The following GPC3 variants were observed in gnomAD, a reference collection of about 807,000 sequenced individuals.
The protein encoded by GPC3 is glypican-3.
In GPC3, 3 loss-of-function variants were observed where a neutral mutation model predicts 34.4. The ratio of observed to expected loss-of-function variants is 0.09; its 90% CI spans 0.04 to 0.23. The LOEUF (loss-of-function observed/expected upper bound fraction) is 0.23. Ranked by LOEUF, GPC3 falls within the 10% of genes least tolerant of loss-of-function variation. The pLI is 1.00. For missense variants in GPC3, 351 were observed against 445.6 expected, an observed-to-expected ratio of 0.79 and a Z score of 1.91; for synonymous variants, 177 against 174.0, an observed-to-expected ratio of 1.02 and a Z score of -0.13.
At position 133,723,277 on chromosome X, in the gene GPC3, C is replaced by A. The variant is rs772570576; in HGVS notation, c.1033-23249G>T. Reference sequence around the variant, plus strand: ...TGTGTGACTAGTTAGGGCAATTCTCCCTTCTACAGGTAGGGAACTGAGGCC... The same window carrying A: ...TGTGTGACTAGTTAGGGCAATTCTCACTTCTACAGGTAGGGAACTGAGGCC... On this transcript the variant is annotated intron_variant, in intron 3 of 7. Coordinates refer to ENST00000370818, the MANE Select transcript of GPC3 (RefSeq NM_004484.4). 5.4e-5 allele frequency among the ~76,000 whole-genome samples: 6 copies of A among 111,728 alleles called. No homozygotes were observed. The East Asian group carries it at 1.7e-3, about 32-fold the overall frequency.
intron 7 of GPC3, among the ~76,000 whole-genome samples, chrX:133,592,113 C>T (rs2069854973): frequency 9.0e-6 from 1 of 111,123 alleles, no homozygotes; most frequent in African/African-American, 3.3e-5. Flanking sequence ...GCCACTCCAC[C>T]TCCTCCTGCA....
chrX:133,899,624 C>T (rs73568927), intron 2 of GPC3, among the ~76,000 whole-genome samples: 5,362 of 110,745 alleles, frequency 0.048, 312 homozygotes, highest in African/African-American at 0.17. Context: ...CTCTGCCTCC[C>T]ACACTCCACC....
intron 3 of GPC3, among the ~76,000 whole-genome samples, chrX:133,706,036 A>T (rs1463616929): frequency 2.7e-5 from 3 of 111,735 alleles, no homozygotes; most frequent in Non-Finnish European, 5.6e-5. Context: ...TTGGCTACAA[A>T]ATCTTCGGTA....
chrX:133,555,839 T>TA lies in GPC3; in HGVS notation c.1574-19547dup, dbSNP rs767111500. ...CGAGACTCCATCTCAAAAAAAAAAA[T>TA]AAAAAAAAAAAGCCACTGAAATGAT... is the stretch of plus-strand genomic sequence containing the variant. On this transcript the variant is annotated intron_variant, in intron 7 of 7. Coordinates refer to ENST00000370818, the MANE Select transcript of GPC3 (RefSeq NM_004484.4). Among the ~76,000 whole-genome samples the TA allele has an allele frequency of 7.1e-3, 688 of 96,399 alleles. 2 individuals carry two copies. The highest frequency in any genetic ancestry group is 0.01 in the Non-Finnish European group (490 of 47,232). 83.7% of individuals were successfully genotyped at this position (96,399 alleles called of 115,157 possible).
intron 2 of GPC3, among the ~76,000 whole-genome samples, chrX:133,804,314 G>A (rs1382837402): frequency 1.2e-4 from 13 of 110,908 alleles, no homozygotes; most frequent in Admixed American, 1.1e-3. Context: ...AGGAAGAGGC[G>A]GGGATCGAGC....
chrX:133,953,199 T>G lies in GPC3; in HGVS notation c.188A>C (p.Gln63Pro). ...PETPVPGSDL[Q>P]VCLPKGPTCC... ...TGTTGGGCCCTTAGGGAGACATACT[T>G]GCAAATCTGATCCTGAAACAAACAA... is the stretch of plus-strand genomic sequence containing the variant. The change falls in exon 2 of 8, where the codon CAA (glutamine) becomes CCA (proline). Residue 63 changes from glutamine (Q) to proline (P), a missense_variant. By Grantham distance (76) the Gln-to-Pro change is moderately conservative. Transcript: ENST00000370818. The G allele has an allele frequency of 2.5e-6, 3 of 1,209,341 alleles. No homozygotes were observed. The highest frequency in any genetic ancestry group is 3.4e-6 in the Non-Finnish European group (3 of 893,847).
chrX:133,891,644 T>A (rs929669773), intron 2 of GPC3, among the ~76,000 whole-genome samples: 4 of 107,149 alleles, frequency 3.7e-5, no homozygotes, highest in Non-Finnish European at 7.7e-5. Context: ...AAATAATTAT[T>A]ATAATAATAA....
intron 3 of GPC3, among the ~76,000 whole-genome samples, chrX:133,744,681 T>G (rs920387394): frequency 5.3e-5 from 6 of 112,420 alleles, no homozygotes; most frequent in African/African-American, 1.9e-4. Flanking sequence ...CAAAGAATTA[T>G]AAATCATTAT....
At chrX:133,951,047 AGTGTGTGTGTGTGTGTGTGTGTGTGTGT>A (rs373690687) in intron 2 of GPC3, among the ~76,000 whole-genome samples, 3 of 76,699 alleles carry the variant, frequency 3.9e-5, no homozygotes, top group African/African-American at 1.4e-4. Flanking sequence ...AATTCAAGAA[AGTGTGTGTGTGTGTGTGTGTGTGTGTGT>A]GTGTGTGTGT....
At chrX:133,630,584 C>T (rs1344849517) in intron 6 of GPC3, among the ~76,000 whole-genome samples, 3 of 111,351 alleles carry the variant, frequency 2.7e-5, no homozygotes, top group Non-Finnish European at 3.8e-5. Context: ...ATTGTTGCCT[C>T]CTAAGAGTAG....
intron 1 of GPC3, among the ~76,000 whole-genome samples, chrX:133,971,595 C>T (rs748990175): frequency 4.2e-4 from 46 of 110,454 alleles, no homozygotes; most frequent in Non-Finnish European, 7.0e-4. Flanking sequence ...TAAGAGAGAA[C>T]AAGAAACAAA....
At chrX:133,976,592 T>G (rs185331474) in intron 1 of GPC3, among the ~76,000 whole-genome samples, 2 of 103,552 alleles carry the variant, frequency 1.9e-5, no homozygotes, top group Admixed American at 2.2e-4. Context: ...TCTTTACTTG[T>G]CATCTCCTCT....
intron 7 of GPC3, among the ~76,000 whole-genome samples, chrX:133,567,342 G>A (rs1467956693): frequency 8.9e-6 from 1 of 112,331 alleles, no homozygotes; most frequent in African/African-American, 3.2e-5. Context: ...CAACAACACA[G>A]AGTAATGTCC....
chrX:133,714,061 G>A (rs12396801), intron 3 of GPC3, among the ~76,000 whole-genome samples: 4,244 of 111,869 alleles, frequency 0.038, 198 homozygotes, highest in African/African-American at 0.13. Context: ...TGATACGTTT[G>A]CAGCTTCCAT....
chrX:133,961,256 G>A (rs1049839740), intron 1 of GPC3, among the ~76,000 whole-genome samples: 2 of 111,407 alleles, frequency 1.8e-5, no homozygotes, highest in African/African-American at 6.5e-5. Flanking sequence ...ATCAAAGACC[G>A]TGCCTGGGGC....
intron 4 of GPC3, among the ~76,000 whole-genome samples, chrX:133,697,065 G>A (rs2071125276): frequency 8.9e-6 from 1 of 112,405 alleles, no homozygotes; most frequent in Non-Finnish European, 1.9e-5. Context: ...GGTTGCAGGG[G>A]AGGAGATTGC....
chrX:133,579,505 A>G (rs1348303719), intron 7 of GPC3, among the ~76,000 whole-genome samples: 1 of 112,803 alleles, frequency 8.9e-6, no homozygotes, highest in Non-Finnish European at 1.9e-5. Context: ...GCTAGGTGTC[A>G]CTGAGGAAGG....
At chrX:133,800,159 A>G (rs953635254) in intron 2 of GPC3, among the ~76,000 whole-genome samples, 2 of 112,219 alleles carry the variant, frequency 1.8e-5, no homozygotes, top group Non-Finnish European at 3.8e-5. Flanking sequence ...GCAAAAACCA[A>G]TAACTAAAAC....
At chrX:133,850,020 T>C (rs1273682273) in intron 2 of GPC3, among the ~76,000 whole-genome samples, 1 of 111,307 alleles carries the variant, frequency 9.0e-6, no homozygotes, top group Admixed American at 9.6e-5. Context: ...ATTTCTTTCA[T>C]TTAAAGTCTG....
Sources: gnomAD v4.1 joint callset for allele counts (sites outside exome capture counted in the v4.1 genomes callset) on GRCh38, gnomAD v4.1.1 for gene constraint, MANE v1.5 for transcripts, NCBI Gene and HGNC (gene_info 2026-07-23, HGNC 2026-07-21) for gene names.